TAF4B: variants seen among roughly 807,000 people sequenced by gnomAD.
TAF4B encodes TATA-box binding protein associated factor 4b.
A neutral mutation model predicts 86.4 loss-of-function variants in TAF4B; 38 were observed. That is an observed-to-expected ratio of 0.44 (90% CI 0.34 to 0.58). The LOEUF is 0.58. Ranked by LOEUF, TAF4B falls within the 20% of genes least tolerant of loss-of-function variation. The pLI is 0.02. For missense variants in TAF4B, 988 were observed against 1,027.6 expected, an observed-to-expected ratio of 0.96 and a Z score of 0.53; for synonymous variants, 388 against 391.2, an observed-to-expected ratio of 0.99 and a Z score of 0.10.
At chr18:26,387,364 A>G (rs568070063) in intron 14 of TAF4B, among the ~76,000 whole-genome samples, 9 of 152,342 alleles carry the variant, frequency 5.9e-5, no homozygotes, top group African/African-American at 2.2e-4. Flanking sequence ...TCCTGTAAAC[A>G]ACAAAATTTC....
chr18:26,302,874 T>A (rs1324031000), intron 9 of TAF4B, among the ~76,000 whole-genome samples: 1 of 152,164 alleles, frequency 6.6e-6, no homozygotes, highest in Non-Finnish European at 1.5e-5. Flanking sequence ...TTTCTTTTTT[T>A]AAAATGCCTC....
Position 26,321,190 on chromosome 18 carries a change from C to G in TAF4B, c.2123C>G (p.Thr708Ser). 1 of 1,613,612 alleles carries G rather than the reference C, an allele frequency of 6.2e-7. No individual in the cohort carries two copies. The highest frequency in any genetic ancestry group is 8.5e-7 in the Non-Finnish European group (1 of 1,179,696). The change falls in exon 11 of 15, where the codon ACT becomes AGT. Residue 708 changes from threonine to serine, a missense_variant. By Grantham distance (58) the Thr-to-Ser change is moderately conservative (BLOSUM62 1). Around this residue, in one of 3 missense-constraint regions of TAF4B, gnomAD observed 216 missense variants for 238.4 expected, o/e 0.91. Transcript: ENST00000269142. ...KLTAIAQHRM[T>S]TYKASENYIL... Reference sequence around the variant, plus strand: ...ACTGCAATTGCTCAGCATCGAATGACTACTTACAAGGTAAAGGAAATCATT... The same window carrying G: ...ACTGCAATTGCTCAGCATCGAATGAGTACTTACAAGGTAAAGGAAATCATT...
chr18:26,282,731 G>C (rs1021077912), intron 6 of TAF4B, among the ~76,000 whole-genome samples: 1 of 152,200 alleles, frequency 6.6e-6, no homozygotes, highest in African/African-American at 2.4e-5. Flanking sequence ...ATGCAGTGCT[G>C]TCTGATAGCA....
At chr18:26,268,857 C>G (rs1405950381) in intron 3 of TAF4B, among the ~76,000 whole-genome samples, 1 of 152,108 alleles carries the variant, frequency 6.6e-6, no homozygotes, top group Non-Finnish European at 1.5e-5. Context: ...GAGTCTCACT[C>G]TATCACCTAG....
intron 1 of TAF4B, among the ~76,000 whole-genome samples, chr18:26,245,101 C>T (rs144771976): frequency 2.6e-4 from 39 of 152,224 alleles, no homozygotes; most frequent in Non-Finnish European, 3.8e-4. Context: ...GCCTGACACC[C>T]GTGTCTTTAG....
At chr18:26,297,675 T>G (rs955046793) in intron 9 of TAF4B, among the ~76,000 whole-genome samples, 2 of 152,190 alleles carry the variant, frequency 1.3e-5, no homozygotes, top group Non-Finnish European at 2.9e-5. Flanking sequence ...TTGCATTTTT[T>G]ATTGCTGAGT....
At chr18:26,348,060 C>G (rs4800735) in intron 13 of TAF4B, among the ~76,000 whole-genome samples, 11,860 of 152,192 alleles carry the variant, frequency 0.078, 561 homozygotes, top group Non-Finnish European at 0.1. Context: ...GTACTGTAGA[C>G]CAACTGGACC....
intron 7 of TAF4B, among the ~76,000 whole-genome samples, chr18:26,289,376 C>T (rs1474170080): frequency 6.6e-6 from 1 of 152,160 alleles, no homozygotes; most frequent in Admixed American, 6.6e-5. Flanking sequence ...TCATCTAACT[C>T]CATATGGTCT....
intron 7 of TAF4B, among the ~76,000 whole-genome samples, chr18:26,289,009 A>G (rs2056560206): frequency 6.6e-6 from 1 of 152,194 alleles, no homozygotes; most frequent in African/African-American, 2.4e-5. Context: ...CTACCTGTTT[A>G]AAGTGGCAAG....
At chr18:26,380,866 A>G (rs2057473651) in intron 14 of TAF4B, among the ~76,000 whole-genome samples, 1 of 151,856 alleles carries the variant, frequency 6.6e-6, no homozygotes, top group Non-Finnish European at 1.5e-5. Context: ...AAATACTGCT[A>G]TGACTGGATT....
chr18:26,304,170 T>A (rs1398673778), intron 9 of TAF4B, among the ~76,000 whole-genome samples: 1 of 91,350 alleles, frequency 1.1e-5, no homozygotes, highest in Non-Finnish European at 3.0e-5. Context: ...GGTCGACTGT[T>A]TTTTTTTTTT....
intron 12 of TAF4B, among the ~76,000 whole-genome samples, chr18:26,328,938 C>T (rs1671937858): frequency 6.6e-6 from 1 of 151,672 alleles, no homozygotes; most frequent in African/African-American, 2.4e-5. Context: ...TTTTCATTAC[C>T]CTTTCTACAC....
At chr18:26,230,620 G>C (rs190924435) in intron 1 of TAF4B, among the ~76,000 whole-genome samples, 10 of 152,266 alleles carry the variant, frequency 6.6e-5, no homozygotes, top group Middle Eastern at 6.8e-3. Context: ...CCTCTCCTGC[G>C]GATCTTCCTC....
chr18:26,240,771 C>G (rs573412942), intron 1 of TAF4B, among the ~76,000 whole-genome samples: 3 of 152,088 alleles, frequency 2.0e-5, no homozygotes, highest in Non-Finnish European at 2.9e-5. Flanking sequence ...CAATACCTAA[C>G]TTATTGAGAG....
Position 26,274,718 on chromosome 18 carries a change from C to T in TAF4B, c.653C>T (p.Thr218Ile). 2.5e-6 allele frequency: 4 copies of T among 1,614,170 alleles called. No homozygotes were observed. Among genetic ancestry groups the T allele is most frequent in the East Asian group, 2.2e-5 (1 of 44,874 alleles). ...GTTACTCCTGGAAAGCCATTGAATA[C>T]TGTAACTACCCTGAAGCCTTCAAGT... ...VTVTPGKPLN[T>I]VTTLKPSSLG... is the part of the protein sequence containing the mutation. The change falls in exon 4 of 15, where the codon ACT (threonine) becomes ATT (isoleucine). Residue 218 changes from threonine to isoleucine, a missense_variant. By Grantham distance (89) the Thr-to-Ile change is moderately conservative. This residue lies in a region of TAF4B where 747 missense variants were observed against 737.9 expected (regional missense o/e 1.01). Transcript: ENST00000269142.
At chr18:26,346,887 A>ATATATATGTGTGTG (rs1567914238) in intron 13 of TAF4B, among the ~76,000 whole-genome samples, 5 of 12,894 alleles carry the variant, frequency 3.9e-4, no homozygotes, top group Non-Finnish European at 1.2e-3. Flanking sequence ...GTATATATAT[A>ATATATATGTGTGTG]TATATATATA....
intron 13 of TAF4B, among the ~76,000 whole-genome samples, chr18:26,336,946 T>A (rs2057096879): frequency 6.6e-6 from 1 of 152,256 alleles, no homozygotes; most frequent in African/African-American, 2.4e-5. Context: ...TATTTTAGTA[T>A]GTTGTTTAAT....
intron 5 of TAF4B, among the ~76,000 whole-genome samples, chr18:26,277,651 A>AT (rs1177797276): frequency 1.5e-5 from 2 of 131,628 alleles, no homozygotes; most frequent in East Asian, 3.9e-4. Flanking sequence ...AATAGTGATT[A>AT]TTTTTTTAAA....
At chr18:26,277,841 A>G (rs893593837) in intron 5 of TAF4B, among the ~76,000 whole-genome samples, 3 of 152,348 alleles carry the variant, frequency 2.0e-5, no homozygotes, top group African/African-American at 7.2e-5. Context: ...TATTTAAGAT[A>G]TCAAAATAAC....
Sources: allele counts gnomAD v4.1 joint callset (sites outside exome capture counted in the v4.1 genomes callset), GRCh38; gene constraint gnomAD v4.1.1; regional missense constraint gnomAD v4.1.1; transcripts MANE v1.5; gene names NCBI Gene and HGNC (gene_info 2026-07-23, HGNC 2026-07-21).